LRRC4C: variants seen among roughly 807,000 people sequenced by gnomAD.
LRRC4C encodes the protein leucine rich repeat containing 4C.
Under a neutral mutation model 33.6 loss-of-function variants are expected in LRRC4C, and 5 were observed. The observed-to-expected ratio is 0.15, with a 90% CI of 0.08 to 0.31. The LOEUF is 0.31. LRRC4C is among the 10% of genes least tolerant of loss of function. The probability of loss-of-function intolerance (pLI) is 1.00; values close to 1 mark genes in which losing one functional copy is unlikely to be tolerated. For missense variants in LRRC4C, 560 were observed against 796.7 expected (o/e 0.70, Z 3.58); for synonymous variants, 329 against 302.0 (o/e 1.09, Z -0.93).
At chr11:41,402,271 A>T (rs1040852031) in intron 1 of LRRC4C, among the ~76,000 whole-genome samples, 1 of 152,030 alleles carries the variant, frequency 6.6e-6, no homozygotes, top group Admixed American at 6.6e-5. Context: ...ACAATATAAG[A>T]CCATGCTTAG....
At chr11:41,233,803 A>G (rs1402059088) in intron 1 of LRRC4C, among the ~76,000 whole-genome samples, 1 of 151,966 alleles carries the variant, frequency 6.6e-6, no homozygotes, top group Non-Finnish European at 1.5e-5. Context: ...GCAAAAGGGG[A>G]AAAAAATTGT....
At chr11:40,527,934 T>TG (rs944850598) in intron 3 of LRRC4C, among the ~76,000 whole-genome samples, 30 of 151,876 alleles carry the variant, frequency 2.0e-4, no homozygotes, top group Non-Finnish European at 2.2e-4. Context: ...TTAGTAGAGG[T>TG]GGGGTTTCTC....
chr11:40,469,579 T>TGGCAAAATC (rs1952824657), intron 3 of LRRC4C, among the ~76,000 whole-genome samples: 1 of 152,036 alleles, frequency 6.6e-6, no homozygotes, highest in African/African-American at 2.4e-5. Context: ...AGCCAAGTGG[T>TGGCAAAATC]CTAGCTCAGT....
At chr11:40,269,513 A>G (rs118067651) in intron 4 of LRRC4C, among the ~76,000 whole-genome samples, 348 of 152,218 alleles carry the variant, frequency 2.3e-3, no homozygotes, top group Middle Eastern at 0.01. Context: ...AACCATGACT[A>G]GGATCAAAGT....
At chr11:40,958,320 T>A (rs905233332) in intron 1 of LRRC4C, among the ~76,000 whole-genome samples, 1 of 151,794 alleles carries the variant, frequency 6.6e-6, no homozygotes, top group African/African-American at 2.4e-5. Flanking sequence ...GATGACAATA[T>A]GACCTAAGTT....
chr11:40,395,328 C>T (rs760915138), intron 3 of LRRC4C, among the ~76,000 whole-genome samples: 1 of 152,084 alleles, frequency 6.6e-6, no homozygotes, highest in Non-Finnish European at 1.5e-5. Flanking sequence ...TCCTGTGAAG[C>T]GTAACTCTGC....
intron 3 of LRRC4C, among the ~76,000 whole-genome samples, chr11:40,326,220 G>A (rs1565275533): frequency 6.6e-6 from 1 of 152,098 alleles, no homozygotes; most frequent in African/African-American, 2.4e-5. Context: ...TGAGGGCATA[G>A]CTAACCCTCA....
chr11:40,722,995 A>T (rs541380881), intron 2 of LRRC4C, among the ~76,000 whole-genome samples: 11 of 152,308 alleles, frequency 7.2e-5, no homozygotes, highest in Admixed American at 2.0e-4. Context: ...CAAGCAGGGG[A>T]AAGAATTTTA....
chr11:40,905,142 CG>C (rs1179417436), intron 2 of LRRC4C, among the ~76,000 whole-genome samples: 1 of 152,002 alleles, frequency 6.6e-6, no homozygotes, highest in Non-Finnish European at 1.5e-5. Context: ...GTGGAATAGG[CG>C]GGGAGGATTT....
At chr11:40,374,509 T>C (rs1380664598) in intron 3 of LRRC4C, among the ~76,000 whole-genome samples, 1 of 152,196 alleles carries the variant, frequency 6.6e-6, no homozygotes, top group East Asian at 1.9e-4. Context: ...ATACTTAATA[T>C]GTACCAGGTG....
At position 41,121,010 on chromosome 11, in the gene LRRC4C, G is replaced by A. The variant is rs190733179; in HGVS notation, c.-495-187287C>T. 9.5e-4 allele frequency among the ~76,000 whole-genome samples: 144 copies of A among 152,172 alleles called. 1 individual carries two copies. Among genetic ancestry groups the A allele is most frequent in the Middle Eastern group, 3.4e-3 (1 of 292 alleles). ...CAGTCACTCTTCCTGTTAAGCCTGT[G>A]GAACTATGAGTCAATTAAAGCTTTT... On this transcript the variant is annotated intron_variant, in intron 1 of 6. Transcript: ENST00000528697.
chr11:40,861,252 A>C (rs1954084259), intron 2 of LRRC4C, among the ~76,000 whole-genome samples: 2 of 152,202 alleles, frequency 1.3e-5, no homozygotes, highest in African/African-American at 4.8e-5. Context: ...ATCCTCAGAT[A>C]TGCAGAAGAA....
intron 3 of LRRC4C, among the ~76,000 whole-genome samples, chr11:40,406,114 C>T (rs1049499418): frequency 1.3e-5 from 2 of 152,020 alleles, no homozygotes; most frequent in Non-Finnish European, 2.9e-5. Flanking sequence ...ATTCAAATAG[C>T]CTCTATATTT....
intron 2 of LRRC4C, among the ~76,000 whole-genome samples, chr11:40,788,234 A>T (rs576243092): frequency 1.7e-3 from 252 of 152,266 alleles, no homozygotes; most frequent in African/African-American, 6.0e-3. Flanking sequence ...AGGTGTGATG[A>T]TCTGCCTTTC....
At chr11:40,568,562 G>A (rs769457530) in intron 3 of LRRC4C, among the ~76,000 whole-genome samples, 2 of 152,174 alleles carry the variant, frequency 1.3e-5, no homozygotes, top group African/African-American at 4.8e-5. Flanking sequence ...ACAGCTCCAC[G>A]AAAATCTAAT....
At chr11:40,890,208 C>T (rs373967699) in intron 2 of LRRC4C, among the ~76,000 whole-genome samples, 11 of 152,178 alleles carry the variant, frequency 7.2e-5, no homozygotes, top group South Asian at 4.1e-4. Context: ...CAGGATATCA[C>T]GAAGTAGGTA....
intron 1 of LRRC4C, among the ~76,000 whole-genome samples, chr11:40,950,582 A>G (rs1036700282): frequency 6.6e-6 from 1 of 152,118 alleles, no homozygotes; most frequent in African/African-American, 2.4e-5. Flanking sequence ...CTTTGTGTAT[A>G]CATGGAAACT....
rs889405742 is a variant in LRRC4C, at chr11:40,431,906, T to C, written c.-269-112185A>G. On this transcript the variant is annotated intron_variant, in intron 3 of 6. Coordinates refer to ENST00000528697, the MANE Select transcript of LRRC4C (RefSeq NM_001258419.2). The stretch of plus-strand genomic sequence containing the variant: ...CTATCATAACTCGCAGTACTGAAGA[T>C]TTGCTACAACCTACCCTTGCAGGCT... 7.9e-5 allele frequency among the ~76,000 whole-genome samples: 12 copies of C among 152,228 alleles called. 1 individual carries two copies. Among genetic ancestry groups the C allele is most frequent in the African/African-American group, 2.9e-4 (12 of 41,550 alleles).
intron 3 of LRRC4C, among the ~76,000 whole-genome samples, chr11:40,553,008 T>A (rs1298588745): frequency 2.0e-5 from 3 of 152,148 alleles, no homozygotes; most frequent in African/African-American, 7.2e-5. Flanking sequence ...CGGTAACTCA[T>A]GTATGTAACC....
Sources: gnomAD v4.1 joint callset for allele counts (sites outside exome capture counted in the v4.1 genomes callset) on GRCh38, gnomAD v4.1.1 for gene constraint, MANE v1.5 for transcripts, NCBI Gene and HGNC (gene_info 2026-07-23, HGNC 2026-07-21) for gene names.